Variants in IL1A observed in about 807,000 individuals in gnomAD.
IL1A encodes the protein interleukin-1 alpha.
Under a neutral mutation model 22.2 loss-of-function variants are expected in IL1A, and 16 were observed. The ratio of observed to expected loss-of-function variants is 0.72; its 90% CI spans 0.49 to 1.09. The LOEUF (loss-of-function observed/expected upper bound fraction) is 1.09. IL1A is among the 50% of genes least tolerant of loss of function. The pLI is 0.00. For missense variants in IL1A, 317 were observed against 321.8 expected (o/e 0.99, Z 0.11); for synonymous variants, 113 against 118.5 (o/e 0.95, Z 0.30).
rs1226844350 is a variant in IL1A at position 112,781,608 on chromosome 2, C to T, written c.315G>A (p.Glu105=). The T allele has an allele frequency of 6.2e-7, 1 of 1,612,630 alleles. No individual in the cohort carries two copies. The highest frequency in any genetic ancestry group is 1.3e-5 in the African/African-American group (1 of 75,004). ...DDLEAIANDS[E]EEIIKPRSAP... ...TTATTGTGCTTGACCCCTTACCTTCCTCTGAGTCATTGGCGATGGCCTCCA... is the reference window on the plus strand; with the variant it reads ...TTATTGTGCTTGACCCCTTACCTTCTTCTGAGTCATTGGCGATGGCCTCCA... The change falls in exon 4 of 7, where the codon GAG becomes GAA. Residue 105 remains glutamate, a synonymous_variant. Transcript: ENST00000263339.
intron 4 of IL1A, 93 bp downstream of exon 4, chr2:112,781,511 A>T: frequency 1.0e-6 from 1 of 971,844 alleles, no homozygotes; most frequent in Non-Finnish European, 1.7e-6. Flanking sequence ...TCTTCTTGTT[A>T]TTCTGACTCC....
In IL1A at chr2:112,774,227, A is replaced by G. The variant is rs552267393; in HGVS notation, c.*840T>C. 6.6e-6 allele frequency: 1 copy of G among 152,264 alleles called. No individual in the cohort carries two copies. Among genetic ancestry groups the G allele is most frequent in the South Asian group, 2.1e-4 (1 of 4,824 alleles). 9.4% of individuals were successfully genotyped at this position (152,264 alleles called of 1,614,324 possible). A position where few individuals can be genotyped will look rare whatever the true frequency, so the allele number is the denominator to read the frequency against. On this transcript the variant is annotated 3_prime_UTR_variant, in exon 7 of 7. Coordinates refer to ENST00000263339, the MANE Select transcript of IL1A (RefSeq NM_000575.5). ...TCAAGGTAATTAATGTACATTTATT[A>G]TATGATTACAGGTCTCCCAAGTACT...
chr2:112,778,175 T>C (rs1327673781), intron 5 of IL1A, 64 bp from the exon 6 acceptor site: 2 of 1,435,592 alleles, frequency 1.4e-6, no homozygotes, highest in South Asian at 1.2e-5. Flanking sequence ...CAAGTGTTGA[T>C]GTAGATTGTG....
At chr2:112,779,702 TGTACAAACACAGATGATATACACAGTCTA>T in intron 4 of IL1A, 36 bp from the exon 5 acceptor site, 1 of 1,528,326 alleles carries the variant, frequency 6.5e-7, no homozygotes, top group Non-Finnish European at 9.0e-7. Flanking sequence ...TTAATGTCTA[TGTACAAACACAGATGATATACACAGTCTA>T]GTACAAACAG....
rs1013973341 is a variant in IL1A at position 112,783,908 on chromosome 2, C to T, written c.-8-130G>A. 16 of 785,930 alleles carry T rather than the reference C, an allele frequency of 2.0e-5. No homozygotes were observed. In the Admixed American group the frequency reaches 2.9e-4, roughly 14 times the overall value. 48.7% of individuals were successfully genotyped at this position (785,930 alleles called of 1,614,324 possible). A position where few individuals can be genotyped will look rare whatever the true frequency, so the allele number is the denominator to read the frequency against. ...ACTTAGTCCACATTCAGCATTTTCT[C>T]CATCTTCTAGCTCCTTTGAATTAGT... On this transcript the variant is annotated intron_variant, in intron 1 of 6. Coordinates refer to ENST00000263339, the MANE Select transcript of IL1A (RefSeq NM_000575.5).
In IL1A at chr2:112,781,615, T is replaced by A. The variant is rs140186374; in HGVS notation, c.308A>T (p.Asp103Val). 173 of 1,613,576 alleles carry A rather than the reference T, an allele frequency of 1.1e-4. No homozygotes were observed. In the Middle Eastern group the frequency reaches 5.1e-3, roughly 48 times the overall value. Reference sequence around the variant, plus strand: ...GCTTGACCCCTTACCTTCCTCTGAGTCATTGGCGATGGCCTCCAGGTCATC... The same window carrying A: ...GCTTGACCCCTTACCTTCCTCTGAGACATTGGCGATGGCCTCCAGGTCATC... ...TDDDLEAIAN[D>V]SEEEIIKPRS... Residue 103 changes from aspartate (D) to valine (V), a missense_variant, in exon 4 of 7, where the codon GAC becomes GTC. Transcript: ENST00000263339.
In IL1A at chr2:112,783,752, T is replaced by C; in HGVS notation, c.19A>G (p.Met7Val). The change falls in exon 2 of 7, where the codon ATG (methionine) becomes GTG (valine). Residue 7 changes from methionine (M) to valine (V), a missense_variant. Coordinates refer to ENST00000263339, the MANE Select transcript of IL1A (RefSeq NM_000575.5). MAKVPD[M>V]FEDLKNCYSE... is the part of the protein sequence containing the mutation. ...TAACAGTTCTTCAGGTCTTCAAACA[T>C]GTCTGGAACTTTGGCCATCTTGACT... 1 of 1,614,072 alleles carries C rather than the reference T, an allele frequency of 6.2e-7. No individual in the cohort carries two copies. Among genetic ancestry groups the C allele is most frequent in the Non-Finnish European group, 8.5e-7 (1 of 1,179,918 alleles).
chr2:112,779,699 C>A, intron 4 of IL1A, 33 bp from the exon 5 acceptor site: 1 of 1,542,922 alleles, frequency 6.5e-7, no homozygotes, highest in South Asian at 1.2e-5. Flanking sequence ...AGATTAATGT[C>A]TATGTACAAA....
rs189222201 is a variant in IL1A, at chr2:112,784,260, C to T, written c.-9+183G>A. On this transcript the variant is annotated intron_variant, in intron 1 of 6. Coordinates refer to ENST00000263339, the MANE Select transcript of IL1A (RefSeq NM_000575.5). ...CTCAGTATAACGAATCAGTCCTTAT[C>T]AGCAAAATGAGAGAATCATTTTCTG... Among the ~76,000 whole-genome samples the T allele has an allele frequency of 3.3e-5, 5 of 152,326 alleles. No homozygotes were observed. In the East Asian group the frequency reaches 9.6e-4, roughly 29 times the overall value.
intron 2 of IL1A, 111 bp downstream of exon 2, chr2:112,783,613 C>A: frequency 1.2e-6 from 1 of 856,636 alleles, no homozygotes. Context: ...TAGTACACAT[C>A]TCTACAACCT....
intron 6 of IL1A, 140 bp from the exon 7 acceptor site, chr2:112,775,407 C>A: frequency 1.6e-6 from 1 of 634,998 alleles, no homozygotes; most frequent in Non-Finnish European, 2.8e-6. Flanking sequence ...GCTCTTCATT[C>A]ATTTGTTCAT....
rs1406079380 is a variant in IL1A at position 112,779,634 on chromosome 2, A to C, written c.352T>G (p.Phe118Val). The stretch of plus-strand genomic sequence containing the variant: ...AAGTTGTATTTCACATTGCTCAGGA[A>C]GCTAAAAGGTGCTGACCTAGGCTTG... Reference protein sequence around the residue: ...IIKPRSAPFSFLSNVKYNFMR... With the variant: ...IIKPRSAPFSVLSNVKYNFMR... The change falls in exon 5 of 7, where the codon TTC becomes GTC. Residue 118 changes from phenylalanine to valine, a missense_variant. Coordinates refer to ENST00000263339, the MANE Select transcript of IL1A (RefSeq NM_000575.5). 2 of 1,611,360 alleles carry C rather than the reference A, an allele frequency of 1.2e-6. No individual in the cohort carries two copies. The highest frequency in any genetic ancestry group is 1.7e-6 in the Non-Finnish European group (2 of 1,177,662).
chr2:112,781,544 C>A (rs1681200085), intron 4 of IL1A, 60 bp downstream of exon 4: 2 of 1,306,456 alleles, frequency 1.5e-6, no homozygotes, highest in Admixed American at 1.7e-5. Flanking sequence ...CCCCTAAATT[C>A]TACTGTCCCT....
In IL1A at chr2:112,774,184, A is replaced by G. The variant is rs1681055994; in HGVS notation, c.*883T>C. On this transcript the variant is annotated 3_prime_UTR_variant, in exon 7 of 7. Coordinates refer to ENST00000263339, the MANE Select transcript of IL1A (RefSeq NM_000575.5). ...AAGTTTAATGGCAAAAGAGTCAAAG[A>G]TCGGACCAATTACTGGCTCAAGGTA... 6.6e-6 allele frequency: 1 copy of G among 152,196 alleles called. No individual in the cohort carries two copies. The highest frequency in any genetic ancestry group is 1.5e-5 in the Non-Finnish European group (1 of 68,034). The allele number at this position is 152,196 out of a possible 1,614,324, so 9.4% of individuals were successfully genotyped here. A position where few individuals can be genotyped will look rare whatever the true frequency, so the allele number is the denominator to read the frequency against.
intron 4 of IL1A, 71 bp downstream of exon 4, chr2:112,781,533 T>C (rs1681199780): frequency 8.5e-7 from 1 of 1,175,306 alleles, no homozygotes; most frequent in Non-Finnish European, 1.3e-6. Flanking sequence ...CGTTTAATTT[T>C]CCCCTAAATT....
rs1443623412 is a variant in IL1A, at chr2:112,779,603, C to T, written c.383G>A (p.Arg128Lys). 6.2e-7 allele frequency: 1 copy of T among 1,612,660 alleles called. No individual in the cohort carries two copies. The highest frequency in any genetic ancestry group is 8.5e-7 in the Non-Finnish European group (1 of 1,178,894). Reference sequence around the variant, plus strand: ...CAGGATGAATTCGTATTTGATGATCCTCATAAAGTTGTATTTCACATTGCT... The same window carrying T: ...CAGGATGAATTCGTATTTGATGATCTTCATAAAGTTGTATTTCACATTGCT... ...FLSNVKYNFM[R>K]IIKYEFILND... The change falls in exon 5 of 7, where the codon AGG becomes AAG. Residue 128 changes from arginine to lysine, a missense_variant. Coordinates refer to ENST00000263339, the MANE Select transcript of IL1A (RefSeq NM_000575.5).
rs1333928115 is a variant in IL1A, at chr2:112,775,187, G to A, written c.696C>T (p.Asn232=). Residue 232 remains asparagine, a synonymous_variant, in exon 7 of 7, where the codon AAC becomes AAT. Coordinates refer to ENST00000263339, the MANE Select transcript of IL1A (RefSeq NM_000575.5). ...TTGGATGGGCAACTGATGTGAAATAGTTCTTAGTGCCGTGAGTTTCCCAGA... is the reference window on the plus strand; with the variant it reads ...TTGGATGGGCAACTGATGTGAAATAATTCTTAGTGCCGTGAGTTTCCCAGA... ...LFFWETHGTK[N]YFTSVAHPNL... 1 of 1,614,204 alleles carries A rather than the reference G, an allele frequency of 6.2e-7. No homozygotes were observed. Among genetic ancestry groups the A allele is most frequent in the Non-Finnish European group, 8.5e-7 (1 of 1,180,016 alleles).
At chr2:112,778,971 A>G (rs891388265) in intron 5 of IL1A, among the ~76,000 whole-genome samples, 6 of 152,240 alleles carry the variant, frequency 3.9e-5, no homozygotes, top group Admixed American at 6.5e-5. Flanking sequence ...GATGTGTGTG[A>G]TAAAAGTTTT....
chr2:112,775,354 A>T, intron 6 of IL1A, 87 bp from the exon 7 acceptor site: 1 of 980,540 alleles, frequency 1.0e-6, no homozygotes, highest in South Asian at 1.4e-5. Context: ...GGCCTTCATG[A>T]GAAACAGCAC....
Sources: allele counts gnomAD v4.1 joint callset (sites outside exome capture counted in the v4.1 genomes callset), GRCh38; gene constraint gnomAD v4.1.1; transcripts MANE v1.5; gene names NCBI Gene and HGNC (gene_info 2026-07-23, HGNC 2026-07-21).